ARHGEF28: variants seen among roughly 807,000 people sequenced by gnomAD.
ARHGEF28 encodes 190 kDa guanine nucleotide exchange factor.
In ARHGEF28, 152 loss-of-function variants were observed where a neutral mutation model predicts 206.6. The observed-to-expected ratio is 0.74, with a 90% confidence interval of 0.64 to 0.84. The LOEUF (loss-of-function observed/expected upper bound fraction) is 0.84, where lower values mean the gene tolerates loss of function less well. Among genes scored for constraint, ARHGEF28 ranks in the 40% least tolerant of loss-of-function variants. The pLI, the probability that ARHGEF28 is intolerant of heterozygous loss-of-function variation, is 0.00. For synonymous variants in ARHGEF28, 763 were observed against 776.4 expected, an observed-to-expected ratio of 0.98 and a Z score of 0.29; for missense variants, 2,028 against 2,073.2, an observed-to-expected ratio of 0.98 and a Z score of 0.42.
intron 35 of ARHGEF28, among the ~76,000 whole-genome samples, chr5:73,927,231 G>A (rs1434480576): frequency 6.6e-6 from 1 of 152,014 alleles, no homozygotes; most frequent in Non-Finnish European, 1.5e-5. Context: ...AAAAAACTTA[G>A]CCAGGCATGG....
intron 2 of ARHGEF28, among the ~76,000 whole-genome samples, chr5:73,732,077 A>C (rs1442172217): frequency 2.0e-5 from 3 of 151,194 alleles, no homozygotes; most frequent in Non-Finnish European, 2.9e-5. Context: ...ATCATCGAAA[A>C]TCTGTAGTTT....
intron 1 of ARHGEF28, among the ~76,000 whole-genome samples, chr5:73,641,551 G>A (rs936726413): frequency 6.6e-6 from 1 of 151,940 alleles, no homozygotes; most frequent in Non-Finnish European, 1.5e-5. Flanking sequence ...TTGAGTTTTT[G>A]TTGCCTCATT....
At position 73,773,997 on chromosome 5, in the gene ARHGEF28, T is replaced by G. The variant is rs770648222; in HGVS notation, c.618T>G (p.Ala206=). 1.9e-6 allele frequency: 3 copies of G among 1,605,442 alleles called. No homozygotes were observed. The Admixed American group carries it at 5.1e-5, about 27-fold the overall frequency. ...NEEGATPLDL[A]LREGHSKLVE... ...AGGGTGCCACACCATTAGACTTAGC[T>G]TTACGTGAAGGACACTCCAAGCTGG... The change falls in exon 5 of 36, where the codon GCT becomes GCG. Residue 206 remains alanine (A), a synonymous_variant. Coordinates refer to ENST00000513042, the MANE Select transcript of ARHGEF28 (RefSeq NM_001177693.2).
At chr5:73,792,641 T>TA (rs1415523724) in intron 7 of ARHGEF28, among the ~76,000 whole-genome samples, 4 of 130,302 alleles carry the variant, frequency 3.1e-5, no homozygotes, top group Non-Finnish European at 6.6e-5. Flanking sequence ...ATCCTTCCCT[T>TA]CTTTTTTTTT....
rs1186987144 is a variant in ARHGEF28, at chr5:73,915,667, T to C, written c.4948+4092T>C. Among the ~76,000 whole-genome samples the C allele has an allele frequency of 2.0e-5, 3 of 152,174 alleles. No individual in the cohort carries two copies. The East Asian group carries it at 5.8e-4, about 29-fold the overall frequency. ...AAACAACAATAAAAAAACCCAACATTTTATTCTTGTGGCTTTTTTTCTCCT... is the reference window on the plus strand; with the variant it reads ...AAACAACAATAAAAAAACCCAACATCTTATTCTTGTGGCTTTTTTTCTCCT... On this transcript the variant is annotated intron_variant, in intron 35 of 35. Coordinates refer to ENST00000513042, the MANE Select transcript of ARHGEF28 (RefSeq NM_001177693.2).
At chr5:73,908,257 G>T (rs568174006) in intron 33 of ARHGEF28, 34 of 152,276 alleles carry the variant, frequency 2.2e-4, no homozygotes, top group African/African-American at 7.7e-4. Context: ...AGACAAGTAT[G>T]AATTTAAAAT....
intron 22 of ARHGEF28, among the ~76,000 whole-genome samples, chr5:73,881,493 G>A (rs1760943148): frequency 6.6e-6 from 1 of 152,136 alleles, no homozygotes. Context: ...TTTTTACTAT[G>A]AGTCATATAT....
chr5:73,830,500 G>A (rs1249508181), intron 9 of ARHGEF28, among the ~76,000 whole-genome samples: 1 of 150,114 alleles, frequency 6.7e-6, no homozygotes, highest in African/African-American at 2.5e-5. Flanking sequence ...CTTGCAGTGA[G>A]CCGAGATTGC....
intron 2 of ARHGEF28, among the ~76,000 whole-genome samples, chr5:73,730,520 C>T (rs1750550501): frequency 6.7e-6 from 1 of 148,756 alleles, no homozygotes; most frequent in South Asian, 2.1e-4. Flanking sequence ...TTCAAACTGT[C>T]CACCATAAGG....
intron 7 of ARHGEF28, among the ~76,000 whole-genome samples, chr5:73,793,229 A>T (rs1754589657): frequency 6.6e-6 from 1 of 152,222 alleles, no homozygotes; most frequent in South Asian, 2.1e-4. Flanking sequence ...TTTTAGAAAC[A>T]CAAGACAAGG....
chr5:73,926,776 T>C (rs779267575), intron 35 of ARHGEF28, among the ~76,000 whole-genome samples: 61 of 152,218 alleles, frequency 4.0e-4, no homozygotes, highest in Non-Finnish European at 6.6e-4. Flanking sequence ...GTGGACAATG[T>C]TCATTAGCCA....
intron 12 of ARHGEF28, among the ~76,000 whole-genome samples, chr5:73,846,857 C>T (rs1758399615): frequency 6.6e-6 from 1 of 152,082 alleles, no homozygotes; most frequent in African/African-American, 2.4e-5. Flanking sequence ...AATTGTATGG[C>T]CCTGATGATG....
chr5:73,806,416 A>C (rs1755460981), intron 9 of ARHGEF28, among the ~76,000 whole-genome samples: 1 of 128,714 alleles, frequency 7.8e-6, no homozygotes, highest in South Asian at 2.4e-4. Flanking sequence ...AGATATATAG[A>C]TATATACTAT....
At position 73,887,647 on chromosome 5, in the gene ARHGEF28, G is replaced by GA; in HGVS notation, c.3360dup (p.Asp1121ArgfsTer10). The GA allele has an allele frequency of 6.4e-7, 1 of 1,574,056 alleles. No homozygotes were observed. ...AACTGATGTGCTGCTCTTTTTACAAGAAAAAGACCAGAAATACATCTTTGC... is the reference window on the plus strand; with the variant it reads ...AACTGATGTGCTGCTCTTTTTACAAGAAAAAAGACCAGAAATACATCTTTGC... On this transcript the variant is annotated frameshift_variant, in exon 26 of 36. Coordinates refer to ENST00000513042, the MANE Select transcript of ARHGEF28 (RefSeq NM_001177693.2). LOFTEE classifies it high-confidence loss of function.
intron 10 of ARHGEF28, among the ~76,000 whole-genome samples, chr5:73,834,505 C>A (rs1757486610): frequency 6.6e-6 from 1 of 151,306 alleles, no homozygotes; most frequent in South Asian, 2.1e-4. Context: ...TCACAAATGG[C>A]AGGATTTTTT....
chr5:73,799,519 TGC>T (rs1217954378), intron 9 of ARHGEF28, among the ~76,000 whole-genome samples: 38 of 152,346 alleles, frequency 2.5e-4, no homozygotes, highest in Non-Finnish European at 3.8e-4. Flanking sequence ...TGGAACATGA[TGC>T]TCCTGTTCTT....
At chr5:73,926,682 T>C (rs1763830722) in intron 35 of ARHGEF28, among the ~76,000 whole-genome samples, 2 of 152,246 alleles carry the variant, frequency 1.3e-5, no homozygotes, top group Non-Finnish European at 2.9e-5. Context: ...TCAGTTCATG[T>C]GCTTTCTCCT....
chr5:73,779,588 T>G (rs1015732492), intron 6 of ARHGEF28, among the ~76,000 whole-genome samples: 1 of 152,160 alleles, frequency 6.6e-6, no homozygotes, highest in Non-Finnish European at 1.5e-5. Flanking sequence ...TCAGCCCAAG[T>G]AGACACATGG....
rs1762048994 is a variant in ARHGEF28 at position 73,897,905 on chromosome 5, A to G, written c.3842-57A>G. The G allele has an allele frequency of 2.0e-6, 3 of 1,519,668 alleles. No individual in the cohort carries two copies. The South Asian group carries it at 3.6e-5, about 18-fold the overall frequency. 94.1% of individuals were successfully genotyped at this position (1,519,668 alleles called of 1,614,324 possible). ...TGCGATTTGCCAATTCCTGGTCTAG[A>G]TTAAATATATACCTATCTTTGTTTT... is the stretch of plus-strand genomic sequence containing the variant. On this transcript the variant is annotated intron_variant, in intron 29 of 35. Transcript: ENST00000513042.
Sources: allele counts gnomAD v4.1 joint callset (sites outside exome capture counted in the v4.1 genomes callset), GRCh38; gene constraint gnomAD v4.1.1; transcripts MANE v1.5; gene names NCBI Gene and HGNC (gene_info 2026-07-23, HGNC 2026-07-21).